The following HTT variants were observed in gnomAD, a reference collection of about 807,000 sequenced individuals.
The protein encoded by HTT is huntington disease protein.
HTT carries 104 observed loss-of-function variants against 362.3 expected under a neutral mutation model. The ratio of observed to expected loss-of-function variants is 0.29; its 90% confidence interval spans 0.24 to 0.34. The LOEUF (loss-of-function observed/expected upper bound fraction) is 0.34. Among genes scored for constraint, HTT ranks in the 10% least tolerant of loss-of-function variants. The probability of loss-of-function intolerance (pLI) is 1.00; values close to 1 mark genes in which losing one functional copy is unlikely to be tolerated. For synonymous variants in HTT, 1,577 were observed against 1,548.7 expected (o/e 1.02, Z -0.43); for missense variants, 3,301 against 3,928.6 (o/e 0.84, Z 4.27).
chr4:3,229,342 C>T (rs1046212572), intron 59 of HTT, among the ~76,000 whole-genome samples: 1 of 140,604 alleles, frequency 7.1e-6, no homozygotes, highest in Non-Finnish European at 1.5e-5. Context: ...ACATGCACCA[C>T]ACCACACAGG....
At chr4:3,194,755 A>G (rs1193381986) in intron 40 of HTT, among the ~76,000 whole-genome samples, 5 of 152,130 alleles carry the variant, frequency 3.3e-5, no homozygotes, top group Admixed American at 6.5e-5. Context: ...GTCCTTTCCA[A>G]AGCGTCTGTG....
In HTT at chr4:3,132,852, C is replaced by A; in HGVS notation, c.2434C>A (p.Arg812=). 6.2e-7 allele frequency: 1 copy of A among 1,614,050 alleles called. No individual in the cohort carries two copies. Among genetic ancestry groups the A allele is most frequent in the Non-Finnish European group, 8.5e-7 (1 of 1,179,904 alleles). The change falls in exon 18 of 67, where the codon CGG becomes AGG. Residue 812 remains arginine, a synonymous_variant. Transcript: ENST00000355072. ...TTTGGCGGATTGCATTCCTTTGCTG[C>A]GGAAAACACTGAAGGATGAGTCTTC... ...FSLADCIPLL[R]KTLKDESSVT...
intron 64 of HTT, among the ~76,000 whole-genome samples, chr4:3,237,039 C>T (rs1273784580): frequency 6.6e-6 from 1 of 152,170 alleles, no homozygotes; most frequent in African/African-American, 2.4e-5. Flanking sequence ...TCTGAACAGC[C>T]AAGCCTGTGC....
chr4:3,083,391 T>C lies in HTT; in HGVS notation c.264-3548T>C, dbSNP rs112917698. 5.5e-4 allele frequency among the ~76,000 whole-genome samples: 83 copies of C among 152,044 alleles called. 2 individuals carry two copies. The highest frequency in any genetic ancestry group is 3.4e-3 in the Middle Eastern group (1 of 292). ...AAAAAATTAGCTGGGCATAGTGGTGTGTGCCTGTAGTCCCAGCTACTCAGG... is the reference window on the plus strand; with the variant it reads ...AAAAAATTAGCTGGGCATAGTGGTGCGTGCCTGTAGTCCCAGCTACTCAGG... On this transcript the variant is annotated intron_variant, in intron 1 of 66. Coordinates refer to ENST00000355072, the MANE Select transcript of HTT (RefSeq NM_001388492.1).
intron 3 of HTT, among the ~76,000 whole-genome samples, chr4:3,100,063 T>G (rs948341800): frequency 6.6e-6 from 1 of 152,184 alleles, no homozygotes. Context: ...GGTGCCTAGG[T>G]CAATGAAGGG....
chr4:3,207,124 G>A (rs959661571), intron 44 of HTT, 141 bp downstream of exon 44: 41 of 1,051,498 alleles, frequency 3.9e-5, no homozygotes, highest in African/African-American at 3.2e-4. Context: ...CAAACTTGCC[G>A]TTACTCGTGT....
intron 1 of HTT, among the ~76,000 whole-genome samples, chr4:3,077,755 A>G (rs1712640519): frequency 6.6e-6 from 1 of 152,152 alleles, no homozygotes; most frequent in Non-Finnish European, 1.5e-5. Context: ...CATGCTCTGA[A>G]ATCAACTGCA....
chr4:3,182,907 G>C (rs1718593034), intron 37 of HTT, among the ~76,000 whole-genome samples: 1 of 152,086 alleles, frequency 6.6e-6, no homozygotes, highest in Admixed American at 6.5e-5. Flanking sequence ...CTTTCCGACA[G>C]GGTCTCACTC....
chr4:3,205,951 CTT>C (rs1216770111), intron 42 of HTT, among the ~76,000 whole-genome samples: 1 of 152,104 alleles, frequency 6.6e-6, no homozygotes, highest in Admixed American at 6.5e-5. Context: ...AATATCTACA[CTT>C]AAGATTTATT....
chr4:3,223,023 A>C (rs1344691294), intron 54 of HTT, among the ~76,000 whole-genome samples: 1 of 152,228 alleles, frequency 6.6e-6, no homozygotes, highest in Non-Finnish European at 1.5e-5. Flanking sequence ...CAGAAATGAC[A>C]GTTTGGAGGG....
At chr4:3,223,023 A>G (rs1344691294) in intron 54 of HTT, among the ~76,000 whole-genome samples, 1 of 152,228 alleles carries the variant, frequency 6.6e-6, no homozygotes, top group Non-Finnish European at 1.5e-5. Context: ...CAGAAATGAC[A>G]GTTTGGAGGG....
At chr4:3,115,587 G>C in intron 7 of HTT, 142 bp downstream of exon 7, 1 of 672,544 alleles carries the variant, frequency 1.5e-6, no homozygotes, top group Non-Finnish European at 2.5e-6. Context: ...CACTGGGGCT[G>C]CTGTGAGCCC....
chr4:3,093,385 C>G (rs192976146), intron 2 of HTT, among the ~76,000 whole-genome samples: 2 of 152,012 alleles, frequency 1.3e-5, no homozygotes, highest in African/African-American at 2.4e-5. Context: ...TTAAATTGTT[C>G]GCAACAAAAA....
intron 25 of HTT, among the ~76,000 whole-genome samples, chr4:3,147,495 T>G (rs920774982): frequency 1.3e-5 from 2 of 152,280 alleles, no homozygotes; most frequent in East Asian, 3.9e-4. Context: ...GTTGCCAATC[T>G]CCATGAAAGA....
chr4:3,209,789 G>A lies in HTT; in HGVS notation c.6292-38G>A, dbSNP rs111582772. On this transcript the variant is annotated intron_variant, in intron 46 of 66. Coordinates refer to ENST00000355072, the MANE Select transcript of HTT (RefSeq NM_001388492.1). ...GGGATGTGAAGTCCCCTTGAACGCCGCCCATCATGTTCCCCTTATCCATTT... is the reference window on the plus strand; with the variant it reads ...GGGATGTGAAGTCCCCTTGAACGCCACCCATCATGTTCCCCTTATCCATTT... The A allele has an allele frequency of 1.6e-4, 260 of 1,609,636 alleles. 1 individual carries two copies. The African/African-American group carries it at 2.4e-3, about 15-fold the overall frequency.
chr4:3,147,973 G>T (rs200353055), intron 25 of HTT, 32 bp from the exon 26 acceptor site: 1 of 1,550,520 alleles, frequency 6.4e-7, no homozygotes, highest in South Asian at 1.1e-5. Context: ...TGCTATTGGG[G>T]TGGAGAGGTA....
chr4:3,212,487 G>C lies in HTT; in HGVS notation c.6629-77G>C. 4.6e-6 allele frequency: 7 copies of C among 1,522,126 alleles called. 1 individual carries two copies. In the South Asian group the frequency reaches 8.3e-5, roughly 18 times the overall value. 94.3% of individuals were successfully genotyped at this position (1,522,126 alleles called of 1,614,324 possible). On this transcript the variant is annotated intron_variant, in intron 48 of 66. Coordinates refer to ENST00000355072, the MANE Select transcript of HTT (RefSeq NM_001388492.1). ...CTTGAGCTTTCATCAGATTCTCAGAGAATTGCTTGACTGCCTTTCGAAGTT... is the reference window on the plus strand; with the variant it reads ...CTTGAGCTTTCATCAGATTCTCAGACAATTGCTTGACTGCCTTTCGAAGTT...
Position 3,105,421 on chromosome 4 carries a change from G to A in HTT, c.593G>A (p.Arg198Gln), listed in dbSNP as rs1266066371. 7 of 1,613,038 alleles carry A rather than the reference G, an allele frequency of 4.3e-6. No individual in the cohort carries two copies. The highest frequency in any genetic ancestry group is 2.7e-5 in the African/African-American group (2 of 74,818). ...TTTGCTGAGCTGGCTCACCTGGTTC[G>A]GCCTCAGAAATGCAGGTAAGTTGTA... ...WRFAELAHLV[R>Q]PQKCRPYLVN... The change falls in exon 5 of 67, where the codon CGG becomes CAG. Residue 198 changes from arginine (R) to glutamine (Q), a missense_variant. This residue lies in a region of HTT where 2,316 missense variants were observed against 2,658.5 expected (regional missense o/e 0.87). Coordinates refer to ENST00000355072, the MANE Select transcript of HTT (RefSeq NM_001388492.1).
rs76778080 is a variant in HTT, at chr4:3,114,605, T to G, written c.748-699T>G. 2.5e-3 allele frequency among the ~76,000 whole-genome samples: 382 copies of G among 152,374 alleles called. 4 individuals carry two copies. The highest frequency in any genetic ancestry group is 4.3e-3 in the Non-Finnish European group (292 of 68,032). ...ATGCTGAACAATGATTGGAATCAAG[T>G]CATGGCTCAGAGCATAGTTTTGAAT... On this transcript the variant is annotated intron_variant, in intron 6 of 66. Coordinates refer to ENST00000355072, the MANE Select transcript of HTT (RefSeq NM_001388492.1).
Sources: allele counts gnomAD v4.1 joint callset (sites outside exome capture counted in the v4.1 genomes callset), GRCh38; gene constraint gnomAD v4.1.1; regional missense constraint gnomAD v4.1.1; transcripts MANE v1.5; gene names NCBI Gene and HGNC (gene_info 2026-07-23, HGNC 2026-07-21).